Variants in EPB41L2 observed in about 807,000 individuals in gnomAD.
EPB41L2 encodes the protein band 4.1-like protein 2.
EPB41L2 carries 43 observed loss-of-function variants against 113.0 expected under a neutral mutation model. The ratio of observed to expected loss-of-function variants is 0.38; its 90% CI spans 0.30 to 0.49. The LOEUF is 0.49. Among genes scored for constraint, EPB41L2 ranks in the 20% least tolerant of loss-of-function variants. EPB41L2 has a pLI of 0.95. For missense variants in EPB41L2, 1,147 were observed against 1,223.4 expected (o/e 0.94, Z 0.93); for synonymous variants, 442 against 436.7 (o/e 1.01, Z -0.15).
chr6:130,878,805 TTTTCAGGAAATTCCAG>T (rs1427467477), intron 13 of EPB41L2, among the ~76,000 whole-genome samples: 4 of 152,192 alleles, frequency 2.6e-5, no homozygotes, highest in Admixed American at 6.5e-5. Context: ...TGTTTGTTTG[TTTTCAGGAAATTCCAG>T]TGATGGCTTT....
chr6:130,965,115 G>A (rs746332588), intron 1 of EPB41L2, among the ~76,000 whole-genome samples: 1 of 152,240 alleles, frequency 6.6e-6, no homozygotes, highest in South Asian at 2.1e-4. Flanking sequence ...GATGTGAGTG[G>A]GGTCAGTATC....
chr6:130,913,670 T>A (rs564781545), intron 4 of EPB41L2, among the ~76,000 whole-genome samples: 1 of 152,232 alleles, frequency 6.6e-6, no homozygotes, highest in South Asian at 2.1e-4. Context: ...CTCTAATGAG[T>A]ACTTAGATGG....
intron 1 of EPB41L2, among the ~76,000 whole-genome samples, chr6:131,011,304 C>T (rs1408086393): frequency 6.6e-6 from 1 of 152,198 alleles, no homozygotes; most frequent in Non-Finnish European, 1.5e-5. Flanking sequence ...TCCCAAGTAC[C>T]TGCAAAGGCA....
rs1473645078 is a variant in EPB41L2, at chr6:130,894,354, T to C, written c.1477A>G (p.Thr493Ala). 1.9e-6 allele frequency: 3 copies of C among 1,613,744 alleles called. No homozygotes were observed. The highest frequency in any genetic ancestry group is 8.5e-7 in the Non-Finnish European group (1 of 1,179,752). ...TTTTCCTAAAATTACCTGTAGAAAG[T>C]ATGATGCTCCACGCACACTTTCCAT... ...RLWKVCVEHH[T>A]FYRLVSPEQP... The change falls in exon 10 of 20, where the codon ACT becomes GCT. Residue 493 changes from threonine (T) to alanine (A), a missense_variant. Transcript: ENST00000337057.
At chr6:130,924,942 A>C (rs898028054) in intron 4 of EPB41L2, among the ~76,000 whole-genome samples, 2 of 152,230 alleles carry the variant, frequency 1.3e-5, no homozygotes, top group African/African-American at 2.4e-5. Flanking sequence ...AATTCATAGA[A>C]TAATGGGGAG....
At chr6:130,967,750 A>G (rs1373130296) in intron 1 of EPB41L2, among the ~76,000 whole-genome samples, 1 of 152,232 alleles carries the variant, frequency 6.6e-6, no homozygotes, top group Non-Finnish European at 1.5e-5. Context: ...TACTATATTC[A>G]TATGAAGAGG....
chr6:131,027,456 C>T (rs1300517703), intron 1 of EPB41L2, among the ~76,000 whole-genome samples: 1 of 152,234 alleles, frequency 6.6e-6, no homozygotes, highest in Non-Finnish European at 1.5e-5. Flanking sequence ...TTATAGCTCC[C>T]CCTGGAACAC....
At chr6:131,059,962 G>T (rs1798347661) in intron 1 of EPB41L2, among the ~76,000 whole-genome samples, 1 of 152,214 alleles carries the variant, frequency 6.6e-6, no homozygotes, top group African/African-American at 2.4e-5. Context: ...AAACAGCACA[G>T]ATTTTAGAAA....
At chr6:130,961,070 T>C (rs6941712) in intron 1 of EPB41L2, among the ~76,000 whole-genome samples, 28,563 of 152,126 alleles carry the variant, frequency 0.19, 3,356 homozygotes, top group East Asian at 0.47. Context: ...CCTGAGATGG[T>C]AAAGTCAGAT....
At chr6:130,852,856 G>T (rs1779165613) in intron 19 of EPB41L2, among the ~76,000 whole-genome samples, 1 of 152,096 alleles carries the variant, frequency 6.6e-6, no homozygotes, top group Non-Finnish European at 1.5e-5. Flanking sequence ...TGTTCTTGGA[G>T]CATCAGGTTC....
intron 1 of EPB41L2, among the ~76,000 whole-genome samples, chr6:131,062,136 T>C (rs1798779637): frequency 6.6e-6 from 1 of 151,622 alleles, no homozygotes; most frequent in Admixed American, 6.6e-5. Flanking sequence ...CGCAGACCCC[T>C]CCCCAAAATA....
At position 130,963,558 on chromosome 6, in the gene EPB41L2, T is replaced by C. The variant is rs922869686; in HGVS notation, c.-14-7059A>G. Among the ~76,000 whole-genome samples, 5 of 152,180 alleles carry C rather than the reference T, an allele frequency of 3.3e-5. No homozygotes were observed. The East Asian group carries it at 7.7e-4, about 23-fold the overall frequency. On this transcript the variant is annotated intron_variant, in intron 1 of 19. Transcript: ENST00000337057. ...GGGGTATATGAAAACTAAGGCATAA[T>C]TTTCAATAACATCCAGTTGCAATAA...
chr6:131,044,019 CTTTTTT>C (rs35350923), intron 1 of EPB41L2, among the ~76,000 whole-genome samples: 2 of 103,052 alleles, frequency 1.9e-5, no homozygotes, highest in African/African-American at 4.1e-5. Flanking sequence ...CTAAATAATG[CTTTTTT>C]TTTTTTTTTT....
chr6:131,058,916 T>C (rs1798118012), intron 1 of EPB41L2, among the ~76,000 whole-genome samples: 1 of 152,118 alleles, frequency 6.6e-6, no homozygotes, highest in Admixed American at 6.6e-5. Flanking sequence ...CTTGGAAGGC[T>C]GAAGCACGAG....
At position 130,948,541 on chromosome 6, in the gene EPB41L2, T is replaced by C. The variant is rs17059851; in HGVS notation, c.705+6564A>G. On this transcript the variant is annotated intron_variant, in intron 3 of 19. Transcript: ENST00000337057. ...GCAAATTCAAGTAAACGAAGAAAAA[T>C]AGACAATCCAAAATTAAATGGCAAA... Among the ~76,000 whole-genome samples, 3,043 of 152,092 alleles carry C rather than the reference T, an allele frequency of 0.02. 198 individuals carry two copies. In the East Asian group the frequency reaches 0.27, roughly 13 times the overall value.
Position 130,916,780 on chromosome 6 carries a change from G to C in EPB41L2, c.811-7917C>G, listed in dbSNP as rs2876115. On this transcript the variant is annotated intron_variant, in intron 4 of 19. Coordinates refer to ENST00000337057, the MANE Select transcript of EPB41L2 (RefSeq NM_001431.4). ...CTATTTCAGCAGGTCTAGGGTGAGC[G>C]CTAGAGTTCTTCATTTCTAAGAAGC... 5.9e-3 allele frequency among the ~76,000 whole-genome samples: 905 copies of C among 152,330 alleles called. 14 individuals are homozygous for C. The highest frequency in any genetic ancestry group is 0.017 in the African/African-American group (698 of 41,584).
intron 1 of EPB41L2, among the ~76,000 whole-genome samples, chr6:131,008,881 T>G (rs1022540813): frequency 6.6e-6 from 1 of 152,236 alleles, no homozygotes; most frequent in Non-Finnish European, 1.5e-5. Context: ...CCATTTTATC[T>G]AGGATTAACT....
intron 4 of EPB41L2, among the ~76,000 whole-genome samples, chr6:130,914,284 G>GTA (rs2128522861): frequency 6.6e-6 from 1 of 152,144 alleles, no homozygotes; most frequent in East Asian, 1.9e-4. Context: ...TCATCTTTTG[G>GTA]TATATATATC....
At chr6:130,883,279 GA>G (rs1375519144) in intron 12 of EPB41L2, 1 of 152,526 alleles carries the variant, frequency 6.6e-6, no homozygotes, top group Non-Finnish European at 1.5e-5. Context: ...AGTAGTTAGT[GA>G]AAACGTTTAC....
Sources: allele counts gnomAD v4.1 joint callset (sites outside exome capture counted in the v4.1 genomes callset), GRCh38; gene constraint gnomAD v4.1.1; transcripts MANE v1.5; gene names NCBI Gene and HGNC (gene_info 2026-07-23, HGNC 2026-07-21).